Variants in PLEKHB2 observed in about 807,000 individuals in gnomAD.
PLEKHB2 encodes the protein pleckstrin homology domain containing B2.
In PLEKHB2, 31 loss-of-function variants were observed where a neutral mutation model predicts 36.5. The observed-to-expected ratio is 0.85, with a 90% confidence interval of 0.64 to 1.15. The LOEUF (loss-of-function observed/expected upper bound fraction) is 1.15, where lower values mean the gene tolerates loss of function less well. Ranked by LOEUF, PLEKHB2 falls within the 50% of genes most tolerant of loss-of-function variation. PLEKHB2 has a pLI of 0.00. For synonymous variants in PLEKHB2, 119 were observed against 112.0 expected, an observed-to-expected ratio of 1.06 and a Z score of -0.39; for missense variants, 262 against 295.3, an observed-to-expected ratio of 0.89 and a Z score of 0.83.
At chr2:131,114,856 C>T (rs1409313030) in intron 1 of PLEKHB2, among the ~76,000 whole-genome samples, 2 of 152,206 alleles carry the variant, frequency 1.3e-5, no homozygotes, top group African/African-American at 2.4e-5. Context: ...CCACATCTTT[C>T]TGTCTTCTTC....
chr2:131,118,208 C>T (rs778158281), intron 1 of PLEKHB2, among the ~76,000 whole-genome samples: 3 of 152,126 alleles, frequency 2.0e-5, no homozygotes, highest in Non-Finnish European at 2.9e-5. Flanking sequence ...CTGTTAACAT[C>T]ATCTTAGAGA....
chr2:131,141,868 C>G (rs192331237), intron 7 of PLEKHB2, among the ~76,000 whole-genome samples: 5 of 152,268 alleles, frequency 3.3e-5, no homozygotes, highest in Admixed American at 3.3e-4. Flanking sequence ...TTTCTGGTCA[C>G]AAAAACATCA....
At chr2:131,121,024 G>A in intron 2 of PLEKHB2, 46 bp downstream of exon 2, 1 of 1,588,248 alleles carries the variant, frequency 6.3e-7, no homozygotes, top group Non-Finnish European at 8.6e-7. Flanking sequence ...CCGAAGGGCA[G>A]TCTCTATTTC....
At chr2:131,124,832 T>G (rs1696938957) in intron 2 of PLEKHB2, among the ~76,000 whole-genome samples, 1 of 151,404 alleles carries the variant, frequency 6.6e-6, no homozygotes, top group African/African-American at 2.4e-5. Flanking sequence ...GTCCCCCAGG[T>G]TGGAGGGCAG....
At chr2:131,122,735 T>C (rs1696642479) in intron 2 of PLEKHB2, among the ~76,000 whole-genome samples, 1 of 152,220 alleles carries the variant, frequency 6.6e-6, no homozygotes, top group Admixed American at 6.5e-5. Flanking sequence ...AGTTCCATGT[T>C]CCCAACCTGG....
chr2:131,131,753 TCC>T (rs148661304), intron 5 of PLEKHB2, among the ~76,000 whole-genome samples: 9 of 140,366 alleles, frequency 6.4e-5, no homozygotes, highest in Non-Finnish European at 1.4e-4. Flanking sequence ...TTCATGAAAA[TCC>T]CCCTTTTTTT....
intron 1 of PLEKHB2, among the ~76,000 whole-genome samples, chr2:131,115,645 G>T (rs556647333): frequency 6.6e-6 from 1 of 152,012 alleles, no homozygotes; most frequent in Non-Finnish European, 1.5e-5. Context: ...GAGCTACTGC[G>T]CCCTCCAGAA....
At chr2:131,134,772 C>G (rs193123780) in intron 6 of PLEKHB2, among the ~76,000 whole-genome samples, 168 of 152,304 alleles carry the variant, frequency 1.1e-3, no homozygotes, top group Non-Finnish European at 1.6e-3. Context: ...AAGGCTTTTG[C>G]AGGAATTGCC....
At chr2:131,141,992 G>C (rs1048133525) in intron 7 of PLEKHB2, among the ~76,000 whole-genome samples, 5 of 152,276 alleles carry the variant, frequency 3.3e-5, no homozygotes, top group Middle Eastern at 6.8e-3. Context: ...TGGGTGGCTG[G>C]ACCCTCTCCC....
At chr2:131,126,949 A>G (rs1697163277) in intron 4 of PLEKHB2, 163 bp downstream of exon 4, 2 of 586,230 alleles carry the variant, frequency 3.4e-6, no homozygotes, top group African/African-American at 1.9e-5. Flanking sequence ...TTCCAATTCT[A>G]GTTTCTGCCT....
At chr2:131,105,912 C>T (rs1694671730) in intron 1 of PLEKHB2, among the ~76,000 whole-genome samples, 1 of 152,198 alleles carries the variant, frequency 6.6e-6, no homozygotes, top group Non-Finnish European at 1.5e-5. Flanking sequence ...GGGAACTTGC[C>T]TTCTCAGTTC....
intron 4 of PLEKHB2, among the ~76,000 whole-genome samples, chr2:131,129,661 C>G (rs959481958): frequency 1.5e-5 from 1 of 68,200 alleles, no homozygotes; most frequent in Non-Finnish European, 4.5e-5. Flanking sequence ...TGTGCCACCA[C>G]GCCCAGCTAA....
chr2:131,133,780 A>G (rs1169306923), intron 6 of PLEKHB2, among the ~76,000 whole-genome samples: 6 of 152,192 alleles, frequency 3.9e-5, no homozygotes, highest in South Asian at 2.1e-4. Flanking sequence ...CATTTCAACA[A>G]TGTCATATAA....
At chr2:131,105,765 C>T (rs1041486065) in intron 1 of PLEKHB2, among the ~76,000 whole-genome samples, 2 of 152,192 alleles carry the variant, frequency 1.3e-5, no homozygotes, top group African/African-American at 4.8e-5. Context: ...TCCTCCTTTC[C>T]CGACTGCAGC....
intron 6 of PLEKHB2, among the ~76,000 whole-genome samples, chr2:131,137,108 G>A (rs1281093515): frequency 6.6e-6 from 1 of 151,094 alleles, no homozygotes. Flanking sequence ...CACCACACCC[G>A]GCTAATTTTT....
intron 1 of PLEKHB2, among the ~76,000 whole-genome samples, chr2:131,111,105 A>G (rs561046375): frequency 1.7e-4 from 26 of 151,842 alleles, no homozygotes; most frequent in African/African-American, 5.8e-4. Context: ...CCCGGGTTCA[A>G]GTGATTCTCC....
chr2:131,144,076 G>A (rs1699051193), intron 7 of PLEKHB2, among the ~76,000 whole-genome samples: 1 of 152,192 alleles, frequency 6.6e-6, no homozygotes, highest in African/African-American at 2.4e-5. Context: ...AAATGGGTTT[G>A]TGGTCGATAC....
chr2:131,130,665 A>G (rs1276439278), intron 4 of PLEKHB2, 56 bp from the exon 5 acceptor site: 5 of 1,281,924 alleles, frequency 3.9e-6, no homozygotes, highest in South Asian at 3.6e-5. Context: ...CCCAGGTTTC[A>G]GAATCATTGC....
intron 2 of PLEKHB2, among the ~76,000 whole-genome samples, chr2:131,123,346 C>T (rs1014571776): frequency 2.6e-5 from 4 of 152,174 alleles, no homozygotes; most frequent in African/African-American, 9.7e-5. Context: ...GCAAAGCCAG[C>T]CTTGGGACTT....
Sources: allele counts gnomAD v4.1 joint callset (sites outside exome capture counted in the v4.1 genomes callset), GRCh38; gene constraint gnomAD v4.1.1; transcripts MANE v1.5; gene names NCBI Gene and HGNC (gene_info 2026-07-23, HGNC 2026-07-21).